BRINP1: variants seen among roughly 807,000 people sequenced by gnomAD.
The protein encoded by BRINP1 is BMP/retinoic acid inducible neural specific 1, also known as BMP/retinoic acid-inducible neural-specific protein 1.
BRINP1 carries 17 observed loss-of-function variants against 72.9 expected under a neutral mutation model. The ratio of observed to expected loss-of-function variants is 0.23; its 90% confidence interval spans 0.16 to 0.35. BRINP1 has a LOEUF of 0.35. Among genes scored for constraint, BRINP1 ranks in the 10% least tolerant of loss-of-function variants. BRINP1 has a pLI of 1.00. For missense variants in BRINP1, 850 were observed against 1,001.6 expected (o/e 0.85, Z 2.04); for synonymous variants, 418 against 378.5 (o/e 1.10, Z -1.21).
intron 5 of BRINP1, among the ~76,000 whole-genome samples, chr9:119,215,409 C>T (rs192753639): frequency 7.2e-5 from 11 of 152,280 alleles, no homozygotes; most frequent in South Asian, 4.1e-4. Context: ...AGGGCACTTT[C>T]GCTTAGGACA....
Position 119,293,221 on chromosome 9 carries a change from A to G in BRINP1, c.218+19917T>C, listed in dbSNP as rs545588429. Among the ~76,000 whole-genome samples the G allele has an allele frequency of 2.0e-5, 3 of 152,298 alleles. No homozygotes were observed. The South Asian group carries it at 6.2e-4, about 32-fold the overall frequency. On this transcript the variant is annotated intron_variant, in intron 2 of 7. Coordinates refer to ENST00000265922, the MANE Select transcript of BRINP1 (RefSeq NM_014618.3). ...ATTCTCGGCGGGAAAAGGTGCTAAA[A>G]TATATGTACTAAGATTATGTTCTGC...
chr9:119,207,065 T>C (rs937268529), intron 7 of BRINP1, among the ~76,000 whole-genome samples: 2 of 152,170 alleles, frequency 1.3e-5, no homozygotes, highest in African/African-American at 2.4e-5. Flanking sequence ...GGAGGAGGTT[T>C]CATAAGGGGG....
At chr9:119,199,300 G>C (rs1188176521) in intron 7 of BRINP1, among the ~76,000 whole-genome samples, 1 of 152,164 alleles carries the variant, frequency 6.6e-6, no homozygotes, top group Non-Finnish European at 1.5e-5. Flanking sequence ...TCACAGAGAA[G>C]AATCAAAATC....
chr9:119,369,428 T>G lies in BRINP1; in HGVS notation c.-423A>C, dbSNP rs1831732815. On this transcript the variant is annotated 5_prime_UTR_variant, in exon 1 of 8. Transcript: ENST00000265922. ...CCGTGGGGTCCGGGAGCGAGGCGGCTGGCGAATGGAGAGGGAAGTCCAAGT... is the reference window on the plus strand; with the variant it reads ...CCGTGGGGTCCGGGAGCGAGGCGGCGGGCGAATGGAGAGGGAAGTCCAAGT... 7.7e-6 allele frequency: 3 copies of G among 391,892 alleles called. No homozygotes were observed. In the Admixed American group the frequency reaches 1.3e-4, roughly 17 times the overall value. 24.3% of individuals were successfully genotyped at this position (391,892 alleles called of 1,614,324 possible). A position where few individuals can be genotyped will look rare whatever the true frequency, so the allele number is the denominator to read the frequency against.
At chr9:119,246,613 C>A (rs1830319889) in intron 3 of BRINP1, among the ~76,000 whole-genome samples, 1 of 152,182 alleles carries the variant, frequency 6.6e-6, no homozygotes. Flanking sequence ...AGAACCCTGA[C>A]TAATACAGTA....
At chr9:119,182,629 C>T (rs1182662300) in intron 7 of BRINP1, among the ~76,000 whole-genome samples, 1 of 152,218 alleles carries the variant, frequency 6.6e-6, no homozygotes, top group Non-Finnish European at 1.5e-5. Flanking sequence ...CATGTGAAGA[C>T]ACAGGTAGAA....
At chr9:119,341,770 A>G (rs1032790555) in intron 1 of BRINP1, among the ~76,000 whole-genome samples, 4 of 152,078 alleles carry the variant, frequency 2.6e-5, no homozygotes, top group Admixed American at 6.6e-5. Flanking sequence ...CTGTATTATT[A>G]TTATTATTAT....
intron 1 of BRINP1, among the ~76,000 whole-genome samples, chr9:119,314,247 C>T (rs567439862): frequency 1.3e-5 from 2 of 152,290 alleles, no homozygotes; most frequent in African/African-American, 4.8e-5. Flanking sequence ...CACAGTGGTG[C>T]TGCGAGGGTG....
intron 1 of BRINP1, among the ~76,000 whole-genome samples, chr9:119,367,292 T>C: frequency 6.7e-6 from 1 of 148,432 alleles, no homozygotes; most frequent in African/African-American, 2.5e-5. Context: ...TATTTCTACT[T>C]TTTTCCCCTA....
intron 2 of BRINP1, among the ~76,000 whole-genome samples, chr9:119,303,720 C>T (rs1329938164): frequency 1.3e-5 from 2 of 152,078 alleles, no homozygotes; most frequent in Non-Finnish European, 2.9e-5. Context: ...CGCTACAAAG[C>T]ACACCAACCA....
intron 1 of BRINP1, among the ~76,000 whole-genome samples, chr9:119,325,401 C>T (rs1831229746): frequency 6.6e-6 from 1 of 152,082 alleles, no homozygotes; most frequent in African/African-American, 2.4e-5. Flanking sequence ...CTTTTTCCTC[C>T]ACCCTATTCG....
intron 1 of BRINP1, among the ~76,000 whole-genome samples, chr9:119,350,618 TAAA>T (rs373179204): frequency 6.6e-6 from 1 of 150,832 alleles, no homozygotes; most frequent in Non-Finnish European, 1.5e-5. Flanking sequence ...AAATACACAT[TAAA>T]AAAAAAGATT....
chr9:119,258,827 G>A (rs1830470311), intron 2 of BRINP1, among the ~76,000 whole-genome samples: 1 of 152,190 alleles, frequency 6.6e-6, no homozygotes, highest in African/African-American at 2.4e-5. Flanking sequence ...AAGATAGGGA[G>A]TATGATCATC....
At chr9:119,201,056 C>G (rs182113053) in intron 7 of BRINP1, among the ~76,000 whole-genome samples, 1 of 152,256 alleles carries the variant, frequency 6.6e-6, no homozygotes, top group East Asian at 1.9e-4. Context: ...TGTCAGCCAC[C>G]TGAGGATTTT....
intron 2 of BRINP1, among the ~76,000 whole-genome samples, chr9:119,270,337 TAC>T (rs1284826785): frequency 6.6e-6 from 1 of 152,196 alleles, no homozygotes; most frequent in Non-Finnish European, 1.5e-5. Flanking sequence ...GACTTATGTT[TAC>T]AAAGATCACC....
chr9:119,322,191 A>G (rs1831196294), intron 1 of BRINP1, among the ~76,000 whole-genome samples: 1 of 152,170 alleles, frequency 6.6e-6, no homozygotes. Flanking sequence ...AAGATTCACA[A>G]AGGGAATTTC....
intron 2 of BRINP1, among the ~76,000 whole-genome samples, chr9:119,256,547 G>A (rs192536147): frequency 6.6e-6 from 1 of 152,352 alleles, no homozygotes; most frequent in East Asian, 1.9e-4. Context: ...AGAGTTAGAT[G>A]AAATAATAGT....
At chr9:119,276,973 A>G (rs1379772836) in intron 2 of BRINP1, among the ~76,000 whole-genome samples, 1 of 152,168 alleles carries the variant, frequency 6.6e-6, no homozygotes, top group Non-Finnish European at 1.5e-5. Flanking sequence ...TACTTTTGTA[A>G]TCAAAAGTAA....
At chr9:119,206,027 A>T (rs1263829921) in intron 7 of BRINP1, among the ~76,000 whole-genome samples, 1 of 152,144 alleles carries the variant, frequency 6.6e-6, no homozygotes. Context: ...TCAAACTGTG[A>T]CTGTGTTTGG....
Sources: gnomAD v4.1 joint callset for allele counts (sites outside exome capture counted in the v4.1 genomes callset) on GRCh38, gnomAD v4.1.1 for gene constraint, MANE v1.5 for transcripts, NCBI Gene and HGNC (gene_info 2026-07-23, HGNC 2026-07-21) for gene names.